Variants in KCNIP4 observed in about 807,000 individuals in gnomAD.
KCNIP4 encodes the protein potassium voltage-gated channel interacting protein 4.
In KCNIP4, 12 loss-of-function variants were observed where a neutral mutation model predicts 34.0. That is an observed-to-expected ratio of 0.35 (90% CI 0.23 to 0.57). The LOEUF (loss-of-function observed/expected upper bound fraction) is 0.57. Among genes scored for constraint, KCNIP4 ranks in the 20% least tolerant of loss-of-function variants. The pLI, the probability that KCNIP4 is intolerant of heterozygous loss-of-function variation, is 0.83. For missense variants in KCNIP4, 238 were observed against 311.7 expected (o/e 0.76, Z 1.78); for synonymous variants, 124 against 102.2 (o/e 1.21, Z -1.29).
At chr4:21,915,346 C>T (rs935552721) in intron 1 of KCNIP4, among the ~76,000 whole-genome samples, 1 of 152,184 alleles carries the variant, frequency 6.6e-6, no homozygotes, top group African/African-American at 2.4e-5. Context: ...AGGACCTAAT[C>T]TTATTGAGAC....
chr4:21,832,651 A>G (rs1172880446), intron 1 of KCNIP4, among the ~76,000 whole-genome samples: 2 of 150,728 alleles, frequency 1.3e-5, no homozygotes, highest in Admixed American at 1.3e-4. Context: ...CAGGTTAGTT[A>G]CATATGTATA....
chr4:21,703,065 A>T (rs10938853), intron 1 of KCNIP4, among the ~76,000 whole-genome samples: 67,257 of 151,396 alleles, frequency 0.44, 18,373 homozygotes, highest in Non-Finnish European at 0.61. Flanking sequence ...ATTCATGATT[A>T]AAAAAAAATC....
chr4:21,583,388 A>G lies in KCNIP4; in HGVS notation c.61+365183T>C, dbSNP rs185317439. ...ATTAAGATTAAAATATCTACTTTAT[A>G]AGGTAGAAGTGATACTTAAATAAGG... On this transcript the variant is annotated intron_variant, in intron 1 of 8. Transcript: ENST00000382152. Among the ~76,000 whole-genome samples the G allele has an allele frequency of 2.6e-4, 40 of 152,008 alleles. No homozygotes were observed. The East Asian group carries it at 7.8e-3, about 30-fold the overall frequency.
intron 3 of KCNIP4, among the ~76,000 whole-genome samples, chr4:20,835,659 C>T (rs1718952718): frequency 6.6e-6 from 1 of 151,990 alleles, no homozygotes; most frequent in South Asian, 2.1e-4. Context: ...CAGCCCCAAA[C>T]ACCCCTCTTA....
chr4:20,734,430 G>A (rs1749091579), intron 6 of KCNIP4, among the ~76,000 whole-genome samples, 198 bp downstream of exon 6: 1 of 152,144 alleles, frequency 6.6e-6, no homozygotes, highest in South Asian at 2.1e-4. Flanking sequence ...TAATCTTTAT[G>A]TGTTATATAT....
At chr4:21,714,894 AT>A (rs1314204135) in intron 1 of KCNIP4, among the ~76,000 whole-genome samples, 14 of 340 alleles carry the variant, frequency 0.041, 2 homozygotes, top group East Asian at 0.17. Context: ...ATTTTATTTT[AT>A]TTTATTTTAT....
chr4:21,930,274 C>A (rs1223126990), intron 1 of KCNIP4, among the ~76,000 whole-genome samples: 1 of 152,082 alleles, frequency 6.6e-6, no homozygotes, highest in Non-Finnish European at 1.5e-5. Flanking sequence ...TTGATTATAC[C>A]TGCTACTGTA....
At chr4:21,516,363 G>A (rs1267016177) in intron 1 of KCNIP4, among the ~76,000 whole-genome samples, 1 of 152,160 alleles carries the variant, frequency 6.6e-6, no homozygotes, top group African/African-American at 2.4e-5. Context: ...ACTGTCACAT[G>A]TGCATATCAA....
At chr4:20,799,333 C>T (rs1042718697) in intron 3 of KCNIP4, among the ~76,000 whole-genome samples, 2 of 152,172 alleles carry the variant, frequency 1.3e-5, no homozygotes, top group Non-Finnish European at 2.9e-5. Context: ...CTCTGGCATA[C>T]CAGACTAGTT....
chr4:21,013,170 G>C (rs1053778242), intron 1 of KCNIP4, among the ~76,000 whole-genome samples: 3 of 152,194 alleles, frequency 2.0e-5, no homozygotes, highest in African/African-American at 7.2e-5. Flanking sequence ...CGCAGCAATG[G>C]AATGTGAATG....
rs754275795 is a variant in KCNIP4 at position 20,981,195 on chromosome 4, A to G, written c.62-98486T>C. 3.2e-4 allele frequency among the ~76,000 whole-genome samples: 48 copies of G among 152,284 alleles called. 1 individual carries two copies. The highest frequency in any genetic ancestry group is 4.1e-4 in the South Asian group (2 of 4,826). On this transcript the variant is annotated intron_variant, in intron 1 of 8. Coordinates refer to ENST00000382152, the MANE Select transcript of KCNIP4 (RefSeq NM_025221.6). ...GTCACATTTGGTCAAAATTCAGTGC[A>G]GATCTTAGATGTCTGACAGGGGCTG... is the stretch of plus-strand genomic sequence containing the variant.
At chr4:21,488,032 T>A (rs1468411565) in intron 1 of KCNIP4, among the ~76,000 whole-genome samples, 2 of 152,188 alleles carry the variant, frequency 1.3e-5, no homozygotes, top group African/African-American at 4.8e-5. Context: ...GATATGTTCA[T>A]TGCTACTGTG....
At chr4:20,864,954 C>T (rs1009414162) in intron 2 of KCNIP4, among the ~76,000 whole-genome samples, 5 of 152,016 alleles carry the variant, frequency 3.3e-5, no homozygotes, top group African/African-American at 1.2e-4. Context: ...GATTCCACAT[C>T]AGAAGCAGAT....
At chr4:21,113,611 T>C (rs936558940) in intron 1 of KCNIP4, among the ~76,000 whole-genome samples, 29 of 152,096 alleles carry the variant, frequency 1.9e-4, no homozygotes, top group African/African-American at 6.8e-4. Context: ...CCCCATGTCT[T>C]CCTTAAGCAC....
Position 21,500,054 on chromosome 4 carries a change from C to T in KCNIP4, c.61+448517G>A, listed in dbSNP as rs546082695. Among the ~76,000 whole-genome samples the T allele has an allele frequency of 3.9e-5, 6 of 152,176 alleles. No homozygotes were observed. In the South Asian group the frequency reaches 8.3e-4, roughly 21 times the overall value. ...AATTAATTTGAGATAATCAAAAATT[C>T]AAGTTCACATACAAAGTCAGTGTTA... On this transcript the variant is annotated intron_variant, in intron 1 of 8. Coordinates refer to ENST00000382152, the MANE Select transcript of KCNIP4 (RefSeq NM_025221.6).
At chr4:21,395,926 C>T (rs1011710327) in intron 1 of KCNIP4, among the ~76,000 whole-genome samples, 1 of 152,060 alleles carries the variant, frequency 6.6e-6, no homozygotes, top group Non-Finnish European at 1.5e-5. Flanking sequence ...CCAAATTGAT[C>T]TCAAATAGAA....
rs559160716 is a variant in KCNIP4 at position 21,764,271 on chromosome 4, C to CTT, written c.61+184298_61+184299dup. The stretch of plus-strand genomic sequence containing the variant: ...CCATAACACCAGCCAGGGAGACAAA[C>CTT]TTTGAAGTTCAGAACAGAAAAGGTA... On this transcript the variant is annotated intron_variant, in intron 1 of 8. Transcript: ENST00000382152. Among the ~76,000 whole-genome samples the CTT allele has an allele frequency of 2.8e-3, 429 of 152,130 alleles. 3 individuals carry two copies. The highest frequency in any genetic ancestry group is 9.6e-3 in the African/African-American group (397 of 41,504).
chr4:21,288,732 A>C (rs909987161), intron 1 of KCNIP4, among the ~76,000 whole-genome samples: 1 of 152,206 alleles, frequency 6.6e-6, no homozygotes, highest in Non-Finnish European at 1.5e-5. Context: ...CCACCAGGAC[A>C]TCTGTGATAC....
intron 1 of KCNIP4, among the ~76,000 whole-genome samples, chr4:21,372,019 T>C (rs1560339284): frequency 6.8e-6 from 1 of 147,308 alleles, no homozygotes; most frequent in Non-Finnish European, 1.5e-5. Flanking sequence ...AATTTTCATA[T>C]TTTATAAGCC....
Sources: gnomAD v4.1 joint callset for allele counts (sites outside exome capture counted in the v4.1 genomes callset) on GRCh38, gnomAD v4.1.1 for gene constraint, MANE v1.5 for transcripts, NCBI Gene and HGNC (gene_info 2026-07-23, HGNC 2026-07-21) for gene names.